The following ATG4A variants were observed in gnomAD, a reference collection of about 807,000 sequenced individuals.
ATG4A encodes cysteine protease ATG4A.
In ATG4A, 22 loss-of-function variants were observed where a neutral mutation model predicts 38.4. The ratio of observed to expected loss-of-function variants is 0.57; its 90% CI spans 0.41 to 0.82. The LOEUF (loss-of-function observed/expected upper bound fraction) is 0.82, where lower values mean the gene tolerates loss of function less well. ATG4A is among the 40% of genes least tolerant of loss of function. The pLI, the probability that ATG4A is intolerant of heterozygous loss-of-function variation, is 0.00. For synonymous variants in ATG4A, 86 were observed against 100.7 expected (o/e 0.85, Z 0.88); for missense variants, 220 against 290.0 (o/e 0.76, Z 1.75).
chrX:108,135,366 G>A (rs895665409), intron 6 of ATG4A, among the ~76,000 whole-genome samples: 3 of 112,116 alleles, frequency 2.7e-5, no homozygotes, highest in African/African-American at 9.7e-5. Flanking sequence ...TTAAGCTCCT[G>A]GGCATTATGG....
intron 9 of ATG4A, among the ~76,000 whole-genome samples, chrX:108,143,016 A>G (rs749316705): frequency 2.1e-4 from 23 of 111,916 alleles, no homozygotes; most frequent in South Asian, 1.5e-3. Flanking sequence ...TAATACAACT[A>G]TCCTTCGTAC....
At chrX:108,131,138 C>T in intron 3 of ATG4A, 122 bp from the exon 4 acceptor site, 1 of 617,553 alleles carries the variant, frequency 1.6e-6, no homozygotes, top group African/African-American at 2.2e-5. Flanking sequence ...GTGGGTGTAT[C>T]TGTCACCTCA....
intron 1 of ATG4A, among the ~76,000 whole-genome samples, chrX:108,101,879 G>T (rs920887360): frequency 4.6e-5 from 5 of 109,594 alleles, no homozygotes; most frequent in Non-Finnish European, 9.5e-5. Context: ...TGTCTTCAAG[G>T]TTCATCCATA....
At chrX:108,099,574 T>A (rs2031940340) in intron 1 of ATG4A, among the ~76,000 whole-genome samples, 1 of 111,842 alleles carries the variant, frequency 8.9e-6, no homozygotes. Flanking sequence ...CTTCACCAAG[T>A]CGTAGGTCTC....
intron 9 of ATG4A, among the ~76,000 whole-genome samples, chrX:108,143,057 T>C (rs2033343082): frequency 1.8e-5 from 2 of 112,295 alleles, no homozygotes; most frequent in South Asian, 7.4e-4. Flanking sequence ...CCAACCCAAA[T>C]ACTATTACAT....
chrX:108,141,275 G>C (rs774242097), intron 9 of ATG4A, among the ~76,000 whole-genome samples: 38 of 104,593 alleles, frequency 3.6e-4, no homozygotes, highest in African/African-American at 1.2e-3. Context: ...TTGTTCATGG[G>C]CCCATTGGGT....
At chrX:108,143,417 T>C (rs142096480) in intron 9 of ATG4A, among the ~76,000 whole-genome samples, 2,896 of 111,208 alleles carry the variant, frequency 0.026, 93 homozygotes, top group African/African-American at 0.091. Flanking sequence ...GATTGGGCTG[T>C]TGTAGTTTCC....
intron 6 of ATG4A, 78 bp from the exon 7 acceptor site, chrX:108,137,013 A>C (rs1461572534): frequency 1.1e-6 from 1 of 870,582 alleles, no homozygotes; most frequent in Non-Finnish European, 1.6e-6. Flanking sequence ...CTTTAGGAAC[A>C]CTGGGCATAA....
At chrX:108,099,569 C>T (rs1226231849) in intron 1 of ATG4A, among the ~76,000 whole-genome samples, 2 of 111,476 alleles carry the variant, frequency 1.8e-5, no homozygotes, top group Non-Finnish European at 1.9e-5. Context: ...GAAGTCTTCA[C>T]CAAGTCGTAG....
chrX:108,126,527 C>G (rs2032802166), intron 2 of ATG4A, among the ~76,000 whole-genome samples: 1 of 112,095 alleles, frequency 8.9e-6, no homozygotes, highest in African/African-American at 3.2e-5. Context: ...CTCCTGGTAT[C>G]ACTAATCAGT....
intron 1 of ATG4A, among the ~76,000 whole-genome samples, chrX:108,123,395 G>A (rs775841106): frequency 8.9e-6 from 1 of 112,311 alleles, no homozygotes; most frequent in Admixed American, 9.4e-5. Flanking sequence ...TTAATCAGAA[G>A]TAATTGTATT....
Position 108,137,180 on chromosome X carries a change from C to CA in ATG4A, c.547+11dup, listed in dbSNP as rs2033127403. The CA allele has an allele frequency of 1.7e-6, 2 of 1,189,512 alleles. No homozygotes were observed. On this transcript the variant is annotated intron_variant, in intron 7 of 12. Coordinates refer to ENST00000372232, the MANE Select transcript of ATG4A (RefSeq NM_052936.5). ...GTCATTGAAGATATCAGTGAGTTAC[C>CA]AGCCTGTTTAACTTCCCAGCTGATG...
chrX:108,127,315 A>C (rs2032826313), intron 2 of ATG4A, among the ~76,000 whole-genome samples: 1 of 112,461 alleles, frequency 8.9e-6, no homozygotes, highest in Admixed American at 9.4e-5. Flanking sequence ...ACAGGAAGGC[A>C]TAAAGACTGT....
intron 1 of ATG4A, among the ~76,000 whole-genome samples, chrX:108,123,335 A>T (rs2032707717): frequency 1.8e-5 from 2 of 112,263 alleles, no homozygotes; most frequent in Admixed American, 1.9e-4. Context: ...TTATTTTTAA[A>T]GGCAAGACAA....
rs777567809 is a variant in ATG4A at position 108,134,316 on chromosome X, A to AT, written c.395-16dup. 5.9e-6 allele frequency: 7 copies of AT among 1,194,992 alleles called. No individual in the cohort carries two copies. The East Asian group carries it at 8.9e-5, about 15-fold the overall frequency. On this transcript the variant is annotated intron_variant, in intron 5 of 12. Coordinates refer to ENST00000372232, the MANE Select transcript of ATG4A (RefSeq NM_052936.5). ...TTGGAAGATCTTTTGCTAACATGTT[A>AT]TTTTTTTCCACATTAAAAACAGCAC...
At chrX:108,113,785 G>A (rs774149820) in intron 1 of ATG4A, among the ~76,000 whole-genome samples, 4 of 111,318 alleles carry the variant, frequency 3.6e-5, no homozygotes, top group Non-Finnish European at 7.5e-5. Flanking sequence ...TCACTATCAC[G>A]AGAATAGCAC....
At chrX:108,103,017 G>A (rs1040773793) in intron 1 of ATG4A, among the ~76,000 whole-genome samples, 3 of 109,849 alleles carry the variant, frequency 2.7e-5, no homozygotes, top group African/African-American at 1.0e-4. Flanking sequence ...ACAGGCCCCA[G>A]TGTGTGTTGT....
At chrX:108,090,071 A>T (rs989814181), upstream of ATG4A, among the ~76,000 whole-genome samples, 2 of 112,277 alleles carry the variant, frequency 1.8e-5, no homozygotes, top group Non-Finnish European at 3.8e-5. Context: ...TGCTTTAACT[A>T]GTTTTTTCCT....
rs1016884676 is a variant in ATG4A, at chrX:108,108,360, GTATA to G, written c.10+16534_10+16537del. 3.7e-5 allele frequency among the ~76,000 whole-genome samples: 4 copies of G among 107,169 alleles called. No homozygotes were observed. The South Asian group carries it at 1.2e-3, about 33-fold the overall frequency. The allele number at this position is 107,169 out of a possible 115,157, so 93.1% of individuals were successfully genotyped here. On this transcript the variant is annotated intron_variant, in intron 1 of 12. Transcript: ENST00000372232. ...TACCTGTCAGAGATGTATGAGTTATGTATATATATATATTTATTTATTTATAATG... is the reference window on the plus strand; with the variant it reads ...TACCTGTCAGAGATGTATGAGTTATGTATATATATTTATTTATTTATAATG...
Sources: gnomAD v4.1 joint callset for allele counts (sites outside exome capture counted in the v4.1 genomes callset) on GRCh38, gnomAD v4.1.1 for gene constraint, MANE v1.5 for transcripts, NCBI Gene and HGNC (gene_info 2026-07-23, HGNC 2026-07-21) for gene names.